PAPOLB: variants seen among roughly 807,000 people sequenced by gnomAD.
PAPOLB encodes PAP-beta.
In PAPOLB, 19 loss-of-function variants were observed where a neutral mutation model predicts 23.2. That is an observed-to-expected ratio of 0.82 (90% CI 0.57 to 1.20). PAPOLB has a LOEUF of 1.20. Among genes scored for constraint, PAPOLB ranks in the 50% most tolerant of loss-of-function variants. PAPOLB has a pLI of 0.00. For missense variants in PAPOLB, 822 were observed against 776.8 expected, an observed-to-expected ratio of 1.06 and a Z score of -0.69; for synonymous variants, 360 against 290.7, an observed-to-expected ratio of 1.24 and a Z score of -2.43.
chr7:4,861,871 C>CACCGCGACCTTCA lies in PAPOLB; in HGVS notation c.-62_-61insTGAAGGTCGCGGT. 8.2e-7 allele frequency: 1 copy of CACCGCGACCTTCA among 1,215,118 alleles called. No homozygotes were observed. Among genetic ancestry groups the CACCGCGACCTTCA allele is most frequent in the South Asian group, 1.9e-5 (1 of 52,446 alleles). 75.3% of individuals were successfully genotyped at this position (1,215,118 alleles called of 1,614,324 possible). On this transcript the variant is annotated 5_prime_UTR_variant, in exon 1 of 1. The change abolishes the stop of an existing upstream ORF in the 5' untranslated region. Transcript: ENST00000404991. ...CCACCGCGACCTTCGCGGCCGCCGCCCGGGTCATGATCCGCTGAGGCGGAA... is the reference window on the plus strand; with the variant it reads ...CCACCGCGACCTTCGCGGCCGCCGCCACCGCGACCTTCACGGGTCATGATCCGCTGAGGCGGAA...
chr7:4,860,083 G>A lies in PAPOLB; in HGVS notation c.1728C>T (p.Ser576=), dbSNP rs370541127. Reference sequence around the variant, plus strand: ...TTTCATTGGTATTCACCTGTTGCAAGGAAAATTCAGTAGCCTGTATGTTAG... The same window carrying A: ...TTTCATTGGTATTCACCTGTTGCAAAGAAAATTCAGTAGCCTGTATGTTAG... The part of the protein sequence containing the change: ...SVANIQATEF[S]LQQVNTNESS... The change falls in exon 1 of 1, where the codon TCC becomes TCT. Residue 576 remains serine (S), a synonymous_variant. Coordinates refer to ENST00000404991, the MANE Select transcript of PAPOLB (RefSeq NM_020144.5). 6 of 1,613,888 alleles carry A rather than the reference G, an allele frequency of 3.7e-6. No individual in the cohort carries two copies. The African/African-American group carries it at 8.0e-5, about 22-fold the overall frequency.
Position 4,861,273 on chromosome 7 carries a change from G to C in PAPOLB, c.538C>G (p.Pro180Ala), listed in dbSNP as rs776432068. The C allele has an allele frequency of 1.9e-6, 3 of 1,614,068 alleles. No individual in the cohort carries two copies. The highest frequency in any genetic ancestry group is 4.5e-5 in the East Asian group (2 of 44,886). Residue 180 changes from proline to alanine, a missense_variant, in exon 1 of 1, where the codon CCA becomes GCA. Around this residue, in one of 3 missense-constraint regions of PAPOLB, gnomAD observed 276 missense variants for 243.9 expected, o/e 1.13. Coordinates refer to ENST00000404991, the MANE Select transcript of PAPOLB (RefSeq NM_020144.5). The part of the protein sequence containing the change: ...LFARLALQTI[P>A]EDLDLRDDSL... ...TCATCTCTTAAGTCCAAATCTTCTG[G>C]AATAGTCTGTAGTGCTAATCTTGCA... is the stretch of plus-strand genomic sequence containing the variant.
rs1252824559 is a variant in PAPOLB at position 4,858,229 on chromosome 7, A to G, written c.*1668T>C. ...GAAAATTAATGCAGGACAGGAAAAG[A>G]GTTTAAGTAATTGCAGTTTAACATG... On this transcript the variant is annotated 3_prime_UTR_variant, in exon 1 of 1. Coordinates refer to ENST00000404991, the MANE Select transcript of PAPOLB (RefSeq NM_020144.5). The G allele has an allele frequency of 1.3e-5, 2 of 152,220 alleles. No individual in the cohort carries two copies. Among genetic ancestry groups the G allele is most frequent in the Non-Finnish European group, 2.9e-5 (2 of 68,028 alleles). 9.4% of individuals were successfully genotyped at this position (152,220 alleles called of 1,614,324 possible).
Position 4,860,507 on chromosome 7 carries a change from C to G in PAPOLB, c.1304G>C (p.Arg435Pro), listed in dbSNP as rs779700468. 1 of 1,614,068 alleles carries G rather than the reference C, an allele frequency of 6.2e-7. No homozygotes were observed. The highest frequency in any genetic ancestry group is 1.1e-5 in the South Asian group (1 of 91,076). Residue 435 changes from arginine to proline, a missense_variant, in exon 1 of 1, where the codon CGT (arginine) becomes CCT (proline). Coordinates refer to ENST00000404991, the MANE Select transcript of PAPOLB (RefSeq NM_020144.5). ...CCCTAACCCAATCACCCACATTGTA[C>G]GAAATTCTTCCATATCAGGATTTTC... ...PKENPDMEEF[R>P]TMWVIGLGLK...
chr7:4,859,737 A>C lies in PAPOLB; in HGVS notation c.*160T>G. ...TTTGCAGGGAGAACAGGGATACCGG[A>C]AAGATCTATACTGATGTTCCCTGAG... On this transcript the variant is annotated 3_prime_UTR_variant, in exon 1 of 1. Transcript: ENST00000404991. The C allele has an allele frequency of 1.7e-6, 1 of 592,354 alleles. No homozygotes were observed. Among genetic ancestry groups the C allele is most frequent in the Admixed American group, 3.1e-5 (1 of 32,490 alleles). The allele number at this position is 592,354 out of a possible 1,614,324, so 36.7% of individuals were successfully genotyped here.
rs544922141 is a variant in PAPOLB, at chr7:4,860,025, G to A, written c.1786C>T (p.His596Tyr). 1.2e-6 allele frequency: 2 copies of A among 1,613,950 alleles called. No homozygotes were observed. Among genetic ancestry groups the A allele is most frequent in the Admixed American group, 1.7e-5 (1 of 60,022 alleles). Residue 596 changes from histidine to tyrosine, a missense_variant, in exon 1 of 1, where the codon CAC (histidine) becomes TAC (tyrosine). Around this residue, in one of 3 missense-constraint regions of PAPOLB, gnomAD observed 534 missense variants for 502.8 expected, o/e 1.06. Coordinates refer to ENST00000404991, the MANE Select transcript of PAPOLB (RefSeq NM_020144.5). Reference sequence around the variant, plus strand: ...GAAATGGCAGGCTGAGAGACAGCGTGAGGAATACTTTCGTTTAATGCAACC... The same window carrying A: ...GAAATGGCAGGCTGAGAGACAGCGTAAGGAATACTTTCGTTTAATGCAACC... ...SGVALNESIP[H>Y]AVSQPAISPS...
rs901312205 is a variant in PAPOLB at position 4,859,449 on chromosome 7, A to G, written c.*448T>C. On this transcript the variant is annotated 3_prime_UTR_variant, in exon 1 of 1. Coordinates refer to ENST00000404991, the MANE Select transcript of PAPOLB (RefSeq NM_020144.5). ...AGGGCAGTAGTCCTTTGAAATAGTTAATGTAACTGTTGCTGATACATTAAT... is the reference window on the plus strand; with the variant it reads ...AGGGCAGTAGTCCTTTGAAATAGTTGATGTAACTGTTGCTGATACATTAAT... The G allele has an allele frequency of 6.3e-6, 1 of 159,152 alleles. No homozygotes were observed. Among genetic ancestry groups the G allele is most frequent in the African/African-American group, 2.4e-5 (1 of 41,538 alleles). The allele number at this position is 159,152 out of a possible 1,614,324, so 9.9% of individuals were successfully genotyped here. A position where few individuals can be genotyped will look rare whatever the true frequency, so the allele number is the denominator to read the frequency against.
chr7:4,858,303 T>G lies in PAPOLB; in HGVS notation c.*1594A>C, dbSNP rs551615200. 1 of 152,204 alleles carries G rather than the reference T, an allele frequency of 6.6e-6. No individual in the cohort carries two copies. The allele number at this position is 152,204 out of a possible 1,614,324, so 9.4% of individuals were successfully genotyped here. ...ACGGGAGGGGTTAAAGCAAGGCTAA[T>G]TGGAAAGCCTGTTAAGTTTGCTGTC... On this transcript the variant is annotated 3_prime_UTR_variant, in exon 1 of 1. Transcript: ENST00000404991.
Position 4,860,529 on chromosome 7 carries a change from T to C in PAPOLB, c.1282A>G (p.Asn428Asp), listed in dbSNP as rs1334706700. 6.2e-6 allele frequency: 10 copies of C among 1,614,204 alleles called. No homozygotes were observed. Among genetic ancestry groups the C allele is most frequent in the Non-Finnish European group, 8.5e-6 (10 of 1,180,020 alleles). The change falls in exon 1 of 1, where the codon AAT becomes GAT. Residue 428 changes from asparagine to aspartate, a missense_variant. This residue lies in a region of PAPOLB where 534 missense variants were observed against 502.8 expected (regional missense o/e 1.06). Coordinates refer to ENST00000404991, the MANE Select transcript of PAPOLB (RefSeq NM_020144.5). The stretch of plus-strand genomic sequence containing the variant: ...GTACGAAATTCTTCCATATCAGGAT[T>C]TTCTTTGGGTGCTGGAAATGACTGT... ...NPQSFPAPKE[N>D]PDMEEFRTMW...
At position 4,861,244 on chromosome 7, in the gene PAPOLB, A is replaced by C; in HGVS notation, c.567T>G (p.Ser189Arg). The C allele has an allele frequency of 1.2e-6, 2 of 1,614,112 alleles. No homozygotes were observed. The highest frequency in any genetic ancestry group is 1.7e-6 in the Non-Finnish European group (2 of 1,179,966). ...IPEDLDLRDD[S>R]LLKNLDIRCI... ...ATCTAATGTCTAAATTTTTAAGTAG[A>C]CTGTCATCTCTTAAGTCCAAATCTT... Residue 189 changes from serine (S) to arginine (R), a missense_variant, in exon 1 of 1, where the codon AGT (serine) becomes AGG (arginine). Ser to Arg is a moderately radical substitution (Grantham distance 110, BLOSUM62 -1). This residue lies in a region of PAPOLB where 276 missense variants were observed against 243.9 expected (regional missense o/e 1.13). Transcript: ENST00000404991.
rs1783908099 is a variant in PAPOLB at position 4,859,147 on chromosome 7, C to A, written c.*750G>T. The A allele has an allele frequency of 6.6e-6, 1 of 152,278 alleles. No individual in the cohort carries two copies. The highest frequency in any genetic ancestry group is 2.1e-4 in the South Asian group (1 of 4,832). The allele number at this position is 152,278 out of a possible 1,614,324, so 9.4% of individuals were successfully genotyped here. A position where few individuals can be genotyped will look rare whatever the true frequency, so the allele number is the denominator to read the frequency against. The stretch of plus-strand genomic sequence containing the variant: ...CCTCATAGGGACTGAGCTAGATGTA[C>A]TTTTATGCTTTCTCTGAAGTACAGT... On this transcript the variant is annotated 3_prime_UTR_variant, in exon 1 of 1. Transcript: ENST00000404991.
Position 4,860,468 on chromosome 7 carries a change from T to C in PAPOLB, c.1343A>G (p.Asp448Gly). 1.2e-6 allele frequency: 2 copies of C among 1,614,212 alleles called. No individual in the cohort carries two copies. Among genetic ancestry groups the C allele is most frequent in the South Asian group, 2.2e-5 (2 of 91,088 alleles). Reference sequence around the variant, plus strand: ...ATCAATGCTGAGAATTTCAGAATTATCTGGCTTTTTTAGCCCTAACCCAAT... The same window carrying C: ...ATCAATGCTGAGAATTTCAGAATTACCTGGCTTTTTTAGCCCTAACCCAAT... ...WVIGLGLKKP[D>G]NSEILSIDLT... The change falls in exon 1 of 1, where the codon GAT becomes GGT. Residue 448 changes from aspartate (D) to glycine (G), a missense_variant. Transcript: ENST00000404991.
Position 4,861,137 on chromosome 7 carries a change from A to T in PAPOLB, c.674T>A (p.Leu225Gln). The T allele has an allele frequency of 6.2e-7, 1 of 1,614,254 alleles. No individual in the cohort carries two copies. Among genetic ancestry groups the T allele is most frequent in the Non-Finnish European group, 8.5e-7 (1 of 1,180,042 alleles). The change falls in exon 1 of 1, where the codon CTG becomes CAG. Residue 225 changes from leucine to glutamine, a missense_variant. Physicochemically the swap from Leu to Gln is moderately radical, Grantham distance 113. Around this residue, in one of 3 missense-constraint regions of PAPOLB, gnomAD observed 534 missense variants for 502.8 expected, o/e 1.06. Coordinates refer to ENST00000404991, the MANE Select transcript of PAPOLB (RefSeq NM_020144.5). Reference sequence around the variant, plus strand: ...CTTGGCCCACAGTTTGATGGCTCTCAGAGTCAGCCTGAAGTTGTCAATGTT... The same window carrying T: ...CTTGGCCCACAGTTTGATGGCTCTCTGAGTCAGCCTGAAGTTGTCAATGTT... ...VPNIDNFRLT[L>Q]RAIKLWAKCH...
Position 4,860,186 on chromosome 7 carries a change from G to C in PAPOLB, c.1625C>G (p.Thr542Ser). 6.2e-7 allele frequency: 1 copy of C among 1,613,996 alleles called. No individual in the cohort carries two copies. Among genetic ancestry groups the C allele is most frequent in the Non-Finnish European group, 8.5e-7 (1 of 1,179,868 alleles). Reference protein sequence around the residue: ...NSMSVPSSTSTMKTGPLISSS... With the variant: ...NSMSVPSSTSSMKTGPLISSS... ...GCTAATCAATGGGCCTGTCTTCATAGTGCTAGTAGATGAAGGCACAGACAT... is the reference window on the plus strand; with the variant it reads ...GCTAATCAATGGGCCTGTCTTCATACTGCTAGTAGATGAAGGCACAGACAT... Residue 542 changes from threonine (T) to serine (S), a missense_variant, in exon 1 of 1, where the codon ACT becomes AGT. This residue lies in a region of PAPOLB where 534 missense variants were observed against 502.8 expected (regional missense o/e 1.06). Transcript: ENST00000404991.
At position 4,857,908 on chromosome 7, in the gene PAPOLB, T is replaced by C. The variant is rs1783872793; in HGVS notation, c.*1989A>G. ...ACATTCAGGTAATAAAAATTAGAAA[T>C]AAAAAGTCCCAAGGTTCCAGCTTGG... On this transcript the variant is annotated 3_prime_UTR_variant, in exon 1 of 1. Transcript: ENST00000404991. The C allele has an allele frequency of 6.6e-6, 1 of 152,408 alleles. No homozygotes were observed. Among genetic ancestry groups the C allele is most frequent in the Non-Finnish European group, 1.5e-5 (1 of 67,984 alleles). The allele number at this position is 152,408 out of a possible 1,614,324, so 9.4% of individuals were successfully genotyped here. A position where few individuals can be genotyped will look rare whatever the true frequency, so the allele number is the denominator to read the frequency against.
chr7:4,861,757 C>A lies in PAPOLB; in HGVS notation c.54G>T (p.Pro18=). The A allele has an allele frequency of 2.7e-6, 4 of 1,486,736 alleles. No individual in the cohort carries two copies. The highest frequency in any genetic ancestry group is 3.6e-6 in the Non-Finnish European group (4 of 1,120,308). The allele number at this position is 1,486,736 out of a possible 1,614,324, so 92.1% of individuals were successfully genotyped here. ...TAGGCGAGGAGACGCCGTAGCGATT[C>A]GGCGGCGGCGCCGGCTGCGGTGGTC... ...TQGPPQPAPP[P]NRYGVSSPIS... is the part of the protein sequence containing the mutation. The change falls in exon 1 of 1, where the codon CCG becomes CCT. Residue 18 remains proline (P), a synonymous_variant. Coordinates refer to ENST00000404991, the MANE Select transcript of PAPOLB (RefSeq NM_020144.5).
At position 4,860,488 on chromosome 7, in the gene PAPOLB, C is replaced by A. The variant is rs1583315317; in HGVS notation, c.1323G>T (p.Gly441=). ...AATTATCTGGCTTTTTTAGCCCTAA[C>A]CCAATCACCCACATTGTACGAAATT... ...MEEFRTMWVI[G]LGLKKPDNSE... is the part of the protein sequence containing the mutation. The change falls in exon 1 of 1, where the codon GGG becomes GGT. Residue 441 remains glycine (G), a synonymous_variant. Coordinates refer to ENST00000404991, the MANE Select transcript of PAPOLB (RefSeq NM_020144.5). 6.2e-7 allele frequency: 1 copy of A among 1,614,076 alleles called. No homozygotes were observed. Among genetic ancestry groups the A allele is most frequent in the Non-Finnish European group, 8.5e-7 (1 of 1,179,930 alleles).
chr7:4,861,892 CG>C lies in PAPOLB; in HGVS notation c.-83del, dbSNP rs982804503. On this transcript the variant is annotated 5_prime_UTR_variant, in exon 1 of 1. Coordinates refer to ENST00000404991, the MANE Select transcript of PAPOLB (RefSeq NM_020144.5). ...CCGCCCGGGTCATGATCCGCTGAGG[CG>C]GAAGGGCAGGGCTTCTAGCTGCCCT... 9.7e-7 allele frequency: 1 copy of C among 1,029,478 alleles called. No homozygotes were observed. The highest frequency in any genetic ancestry group is 1.3e-6 in the Non-Finnish European group (1 of 749,158). The allele number at this position is 1,029,478 out of a possible 1,614,324, so 63.8% of individuals were successfully genotyped here.
rs1396526860 is a variant in PAPOLB, at chr7:4,858,931, G to C, written c.*966C>G. ...CTTTTTTGTTTTAGGACTAATGATT[G>C]AGGACAAGAGAATATGGAGCTTTGA... On this transcript the variant is annotated 3_prime_UTR_variant, in exon 1 of 1. Transcript: ENST00000404991. 2 of 152,214 alleles carry C rather than the reference G, an allele frequency of 1.3e-5. No individual in the cohort carries two copies. Among genetic ancestry groups the C allele is most frequent in the Admixed American group, 6.5e-5 (1 of 15,278 alleles). The allele number at this position is 152,214 out of a possible 1,614,324, so 9.4% of individuals were successfully genotyped here.
Sources: allele counts gnomAD v4.1 joint callset, GRCh38; gene constraint gnomAD v4.1.1; regional missense constraint gnomAD v4.1.1; transcripts MANE v1.5; gene names NCBI Gene and HGNC (gene_info 2026-07-23, HGNC 2026-07-21).